Variants in POLR2F observed in about 807,000 individuals in gnomAD.
POLR2F encodes the protein RNA polymerase II, I and III subunit F.
A neutral mutation model predicts 22.7 loss-of-function variants in POLR2F; 12 were observed. The ratio of observed to expected loss-of-function variants is 0.53; its 90% CI spans 0.34 to 0.86. The LOEUF (loss-of-function observed/expected upper bound fraction) is 0.86, where lower values mean the gene tolerates loss of function less well. Ranked by LOEUF, POLR2F falls within the 40% of genes least tolerant of loss-of-function variation. The pLI is 0.02. For missense variants in POLR2F, 126 were observed against 171.5 expected (o/e 0.73, Z 1.48); for synonymous variants, 57 against 66.0 (o/e 0.86, Z 0.66).
rs994294710 is a variant in POLR2F at position 37,980,349 on chromosome 22, A to C, written c.293+13179A>C. 6.6e-6 allele frequency among the ~76,000 whole-genome samples: 1 copy of C among 151,962 alleles called. No homozygotes were observed. Among genetic ancestry groups the C allele is most frequent in the Non-Finnish European group, 1.5e-5 (1 of 67,958 alleles). On this transcript the variant is annotated intron_variant, in intron 4 of 4. Transcript: ENST00000405557. The surrounding 1 kb of genome is among the most constrained non-coding windows in gnomAD (Gnocchi z 4.1). ...CATGGGACACAGAGCTCACTCTTTC[A>C]CCTATCCTTCCCTTGCCCCCTGCCC...
At chr22:37,990,513 G>T (rs1932703377) in intron 1 of POLR2F, among the ~76,000 whole-genome samples, 1 of 152,276 alleles carries the variant, frequency 6.6e-6, no homozygotes, top group African/African-American at 2.4e-5. Context: ...TCCAGCTGCT[G>T]GGAACTTCTG....
At chr22:37,985,852 C>T (rs2744981), upstream of POLR2F, among the ~76,000 whole-genome samples, 214 of 148,756 alleles carry the variant, frequency 1.4e-3, no homozygotes, top group Non-Finnish European at 2.6e-3. Flanking sequence ...CACACACACA[C>T]ATGCTCACAC....
intron 1 of POLR2F, chr22:37,987,157 G>A (rs1486930432): frequency 2.2e-6 from 1 of 456,734 alleles, no homozygotes; most frequent in East Asian, 6.9e-5. Context: ...CTCTCAGGGT[G>A]TTTATTCTGC....
At position 37,959,490 on chromosome 22, in the gene POLR2F, C is replaced by T. The variant is rs376602154; in HGVS notation, c.221+14C>T. ...GCTCCAGATTGCGTGAGTGATTGCC[C>T]CTTCACTGTCTTCTCCATCTGTCAG... On this transcript the variant is annotated intron_variant, in intron 3 of 4. Coordinates refer to ENST00000442738, the MANE Select transcript of POLR2F (RefSeq NM_021974.5). 6.4e-5 allele frequency: 104 copies of T among 1,612,432 alleles called. 2 individuals are homozygous for T. The highest frequency in any genetic ancestry group is 3.3e-4 in the Middle Eastern group (2 of 6,062).
At chr22:37,988,340 AAAAAAAAG>A (rs1932644225) in intron 1 of POLR2F, 2 of 149,828 alleles carry the variant, frequency 1.3e-5, no homozygotes, top group Non-Finnish European at 3.0e-5. Flanking sequence ...CAAAAAAAAA[AAAAAAAAG>A]AAAAAAAGAA....
chr22:38,025,246 C>A (rs945469132), intron 1 of POLR2F, among the ~76,000 whole-genome samples: 2 of 152,112 alleles, frequency 1.3e-5, no homozygotes, highest in African/African-American at 4.8e-5. Context: ...CTTGCTCACA[C>A]ACACACACAG....
chr22:37,974,320 G>T lies in POLR2F; in HGVS notation c.293+7150G>T. On this transcript the variant is annotated intron_variant, in intron 4 of 4. Transcript: ENST00000405557. This position sits in a 1 kb window ranked among gnomAD's most constrained non-coding sequence, Gnocchi z 5.4. ...GGGTGCCTCTGGGAAAACCTTGTAA[G>T]TTTCACATTTTGGCAGCATGAGTCG... 1 of 711,068 alleles carries T rather than the reference G, an allele frequency of 1.4e-6. No individual in the cohort carries two copies. The highest frequency in any genetic ancestry group is 2.3e-6 in the Non-Finnish European group (1 of 426,368). 44.0% of individuals were successfully genotyped at this position (711,068 alleles called of 1,614,324 possible).
intron 1 of POLR2F, among the ~76,000 whole-genome samples, chr22:37,995,551 C>T (rs558399083): frequency 1.3e-5 from 2 of 152,164 alleles, no homozygotes; most frequent in South Asian, 2.1e-4. Context: ...TATTTATTGG[C>T]GGATTAGTTG....
downstream of POLR2F, among the ~76,000 whole-genome samples, chr22:37,972,054 T>G (rs1408518113): frequency 4.3e-3 from 286 of 65,856 alleles, no homozygotes; most frequent in Admixed American, 5.4e-3. Flanking sequence ...GAGAGGAGAG[T>G]GGGAGGGGGG....
At chr22:37,985,287 G>A (rs1451389493), upstream of POLR2F, 1 of 152,074 alleles carries the variant, frequency 6.6e-6, no homozygotes, top group Non-Finnish European at 1.5e-5. Context: ...TACCTACTGG[G>A]ACCCAGCTCC....
chr22:37,979,074 G>C (rs1932313037), intron 4 of POLR2F, among the ~76,000 whole-genome samples: 1 of 151,572 alleles, frequency 6.6e-6, no homozygotes, highest in African/African-American at 2.4e-5. Flanking sequence ...ATTGTGCCCA[G>C]CCCAAGAGGT....
intron 3 of POLR2F, 66 bp from the exon 4 acceptor site, chr22:37,967,033 T>A: frequency 8.3e-7 from 1 of 1,204,380 alleles, no homozygotes; most frequent in Non-Finnish European, 1.2e-6. Flanking sequence ...CGTTCCACCC[T>A]CACTGCCTGT....
chr22:37,992,162 C>T (rs1215223830), intron 1 of POLR2F, among the ~76,000 whole-genome samples: 1 of 152,176 alleles, frequency 6.6e-6, no homozygotes, highest in African/African-American at 2.4e-5. Flanking sequence ...ATCCTGACAC[C>T]TCCATTTATT....
At chr22:38,020,468 G>A (rs2084951991) in intron 1 of POLR2F, among the ~76,000 whole-genome samples, 1 of 147,916 alleles carries the variant, frequency 6.8e-6, no homozygotes, top group Non-Finnish European at 1.5e-5. Flanking sequence ...TAGTAGGGAC[G>A]GCGTTTCACC....
chr22:38,024,034 G>A (rs2084984579), intron 1 of POLR2F, among the ~76,000 whole-genome samples: 1 of 151,850 alleles, frequency 6.6e-6, no homozygotes, highest in South Asian at 2.1e-4. Context: ...GTAGAGACGG[G>A]GGTTTCACCA....
At chr22:38,027,615 TG>T (rs1312755530), downstream of POLR2F, among the ~76,000 whole-genome samples, 1 of 152,140 alleles carries the variant, frequency 6.6e-6, no homozygotes, top group African/African-American at 2.4e-5. Context: ...CATCAGAGCT[TG>T]GCCCCCAACA....
downstream of POLR2F, chr22:37,972,220 C>A: frequency 7.7e-7 from 1 of 1,296,742 alleles, no homozygotes; most frequent in Non-Finnish European, 1.0e-6. Context: ...CCTTTGCATT[C>A]TACTCCTAGC....
At chr22:37,954,047 G>T (rs1931247647) in intron 1 of POLR2F, among the ~76,000 whole-genome samples, 1 of 152,340 alleles carries the variant, frequency 6.6e-6, no homozygotes, top group African/African-American at 2.4e-5. Flanking sequence ...GTGTCCTTCA[G>T]CAAATGTTCC....
At chr22:37,999,605 C>T (rs546319675) in intron 1 of POLR2F, among the ~76,000 whole-genome samples, 3 of 152,262 alleles carry the variant, frequency 2.0e-5, no homozygotes, top group Admixed American at 1.3e-4. Context: ...CCCAGGGCCT[C>T]AGGCTGGCCA....
Sources: gnomAD v4.1 joint callset for allele counts (sites outside exome capture counted in the v4.1 genomes callset) on GRCh38, gnomAD v4.1.1 for gene constraint, Gnocchi (gnomAD v3.1) non-coding constraint, MANE v1.5 for transcripts, NCBI Gene and HGNC (gene_info 2026-07-23, HGNC 2026-07-21) for gene names.